Variants in PIP4K2A observed in about 807,000 individuals in gnomAD.
PIP4K2A encodes phosphatidylinositol 5-phosphate 4-kinase type-2 alpha.
In PIP4K2A, 14 loss-of-function variants were observed where a neutral mutation model predicts 42.9. The observed-to-expected ratio is 0.33, with a 90% CI of 0.22 to 0.51. PIP4K2A has a LOEUF of 0.51. Among genes scored for constraint, PIP4K2A ranks in the 20% least tolerant of loss-of-function variants. PIP4K2A has a pLI of 0.97. For synonymous variants in PIP4K2A, 192 were observed against 192.2 expected (o/e 1.00, Z 0.01); for missense variants, 434 against 519.8 (o/e 0.83, Z 1.61).
intron 1 of PIP4K2A, among the ~76,000 whole-genome samples, chr10:22,622,704 C>G (rs369633303): frequency 3.9e-5 from 6 of 152,368 alleles, no homozygotes; most frequent in African/African-American, 1.2e-4. Context: ...GCACCTCGTT[C>G]TAAAACCTGA....
intron 9 of PIP4K2A, among the ~76,000 whole-genome samples, chr10:22,537,650 G>T (rs548341727): frequency 5.9e-5 from 9 of 152,310 alleles, no homozygotes; most frequent in African/African-American, 2.2e-4. Flanking sequence ...TTTCAAGAAG[G>T]CAGACTGGAG....
At chr10:22,687,692 C>T (rs902239974) in intron 1 of PIP4K2A, among the ~76,000 whole-genome samples, 7 of 152,148 alleles carry the variant, frequency 4.6e-5, no homozygotes, top group African/African-American at 1.4e-4. Flanking sequence ...AATGACGCAG[C>T]TTTGCATATA....
chr10:22,575,650 G>C (rs1362671328), intron 4 of PIP4K2A, among the ~76,000 whole-genome samples: 1 of 152,068 alleles, frequency 6.6e-6, no homozygotes, highest in Non-Finnish European at 1.5e-5. Flanking sequence ...GATCAAATCT[G>C]TCTACTTTGC....
intron 6 of PIP4K2A, among the ~76,000 whole-genome samples, chr10:22,566,109 C>G (rs1836842210): frequency 6.6e-6 from 1 of 152,158 alleles, no homozygotes; most frequent in Non-Finnish European, 1.5e-5. Context: ...CAGTTAAGTA[C>G]TTGATGTCTG....
At chr10:22,632,334 A>G (rs1049132465) in intron 1 of PIP4K2A, among the ~76,000 whole-genome samples, 1 of 152,332 alleles carries the variant, frequency 6.6e-6, no homozygotes, top group South Asian at 2.1e-4. Context: ...GGTGAAGGCC[A>G]TATGGGAGTT....
chr10:22,621,051 T>C (rs1392516577), intron 1 of PIP4K2A, among the ~76,000 whole-genome samples: 1 of 152,220 alleles, frequency 6.6e-6, no homozygotes, highest in African/African-American at 2.4e-5. Flanking sequence ...GAAGCTAATA[T>C]GCCTGCAGTT....
chr10:22,571,815 C>T (rs750784381), intron 5 of PIP4K2A, among the ~76,000 whole-genome samples: 3 of 152,174 alleles, frequency 2.0e-5, no homozygotes, highest in Non-Finnish European at 2.9e-5. Flanking sequence ...CATACTTCAG[C>T]GGCATAACAC....
intron 4 of PIP4K2A, among the ~76,000 whole-genome samples, chr10:22,590,543 C>T (rs1446108506): frequency 6.6e-6 from 1 of 152,036 alleles, no homozygotes; most frequent in Admixed American, 6.5e-5. Flanking sequence ...TATTATTATC[C>T]CGACTGTATA....
intron 1 of PIP4K2A, among the ~76,000 whole-genome samples, chr10:22,632,486 G>A (rs1238912646): frequency 2.0e-5 from 3 of 152,122 alleles, no homozygotes; most frequent in Admixed American, 1.3e-4. Flanking sequence ...TACTAAAGTT[G>A]ACAAGTTGGT....
At chr10:22,580,610 C>G (rs1252552712) in intron 4 of PIP4K2A, among the ~76,000 whole-genome samples, 5 of 151,988 alleles carry the variant, frequency 3.3e-5, no homozygotes, top group Admixed American at 1.3e-4. Context: ...TTAAAGCATC[C>G]TATCTATTAC....
intron 6 of PIP4K2A, among the ~76,000 whole-genome samples, chr10:22,557,069 AC>A (rs1836572357): frequency 6.6e-6 from 1 of 152,194 alleles, no homozygotes; most frequent in African/African-American, 2.4e-5. Flanking sequence ...AAGCCTCTCA[AC>A]GGAATTACTT....
intron 1 of PIP4K2A, among the ~76,000 whole-genome samples, chr10:22,704,651 G>GC (rs1833782846): frequency 3.1e-5 from 2 of 64,198 alleles, no homozygotes; most frequent in African/African-American, 5.6e-5. Context: ...GACCTCATCT[G>GC]AAAAAAAAAA....
chr10:22,553,594 G>C (rs1322154168), intron 6 of PIP4K2A, among the ~76,000 whole-genome samples: 1 of 152,074 alleles, frequency 6.6e-6, no homozygotes, highest in African/African-American at 2.4e-5. Flanking sequence ...CTCAGAGTTT[G>C]GTGAGTGATG....
intron 3 of PIP4K2A, among the ~76,000 whole-genome samples, chr10:22,607,306 T>C (rs1166499199): frequency 2.0e-5 from 3 of 152,094 alleles, no homozygotes; most frequent in Admixed American, 1.3e-4. Context: ...ACCAGGCCAG[T>C]GTGGGGAGGA....
chr10:22,666,796 G>A (rs550238204), intron 1 of PIP4K2A, among the ~76,000 whole-genome samples: 4 of 152,158 alleles, frequency 2.6e-5, no homozygotes, highest in African/African-American at 7.2e-5. Context: ...CTCCCCGAAC[G>A]TACATTTTCC....
chr10:22,584,541 C>A (rs76440578), intron 4 of PIP4K2A, among the ~76,000 whole-genome samples: 1 of 152,040 alleles, frequency 6.6e-6, no homozygotes, highest in Non-Finnish European at 1.5e-5. Context: ...AACTTCCAGA[C>A]CCTGGAGAAG....
intron 1 of PIP4K2A, among the ~76,000 whole-genome samples, chr10:22,705,426 TAAAAAAAAAAAAAAAAAAAAAAA>T (rs150254345): frequency 4.1e-4 from 12 of 29,246 alleles, no homozygotes; most frequent in African/African-American, 1.7e-3. Context: ...GTACCCCAGT[TAAAAAAAAAAAAAAAAAAAAAAA>T]AAAAAAAAAA....
intron 4 of PIP4K2A, 117 bp downstream of exon 4, chr10:22,591,512 T>C (rs1837509940): frequency 5.0e-6 from 4 of 796,328 alleles, no homozygotes; most frequent in Admixed American, 2.6e-5. Context: ...AGGAGATGTT[T>C]ATGTGAAATG....
intron 4 of PIP4K2A, among the ~76,000 whole-genome samples, chr10:22,577,163 G>A (rs891263527): frequency 6.6e-6 from 1 of 151,936 alleles, no homozygotes. Flanking sequence ...TACCATGAGC[G>A]GTGCTGACTT....
Sources: gnomAD v4.1 joint callset for allele counts (sites outside exome capture counted in the v4.1 genomes callset) on GRCh38, gnomAD v4.1.1 for gene constraint, MANE v1.5 for transcripts, NCBI Gene and HGNC (gene_info 2026-07-23, HGNC 2026-07-21) for gene names.